Variants in DLG2 observed in about 807,000 individuals in gnomAD.
DLG2 encodes discs large MAGUK scaffold protein 2, also known as disks large homolog 2.
DLG2 carries 45 observed loss-of-function variants against 132.5 expected under a neutral mutation model. The ratio of observed to expected loss-of-function variants is 0.34; its 90% CI spans 0.27 to 0.44. DLG2 has a LOEUF of 0.44. Ranked by LOEUF, DLG2 falls within the 20% of genes least tolerant of loss-of-function variation. The pLI, the probability that DLG2 is intolerant of heterozygous loss-of-function variation, is 1.00. For missense variants in DLG2, 1,045 were observed against 1,196.9 expected (o/e 0.87, Z 1.87); for synonymous variants, 424 against 419.6 (o/e 1.01, Z -0.13).
intron 19 of DLG2, among the ~76,000 whole-genome samples, chr11:83,584,505 T>G (rs566578227): frequency 6.6e-6 from 1 of 152,204 alleles, no homozygotes; most frequent in Non-Finnish European, 1.5e-5. Flanking sequence ...AATCAGGTCA[T>G]GTACTGGAAT....
intron 11 of DLG2, among the ~76,000 whole-genome samples, chr11:84,021,084 T>G (rs910654471): frequency 6.6e-6 from 1 of 152,178 alleles, no homozygotes; most frequent in African/African-American, 2.4e-5. Flanking sequence ...TATTTAACTC[T>G]AGAACACATA....
intron 18 of DLG2, among the ~76,000 whole-genome samples, chr11:83,665,906 T>A (rs2075421030): frequency 6.6e-6 from 1 of 151,972 alleles, no homozygotes; most frequent in Non-Finnish European, 1.5e-5. Context: ...TATACAAGGG[T>A]GCATGGGAAT....
At chr11:83,479,677 C>T (rs1341567279) in intron 22 of DLG2, among the ~76,000 whole-genome samples, 1 of 152,006 alleles carries the variant, frequency 6.6e-6, no homozygotes, top group African/African-American at 2.4e-5. Context: ...AAGCAAATGG[C>T]TTGAGGTGAC....
chr11:85,600,473 A>T (rs2080076550), intron 2 of DLG2, among the ~76,000 whole-genome samples: 1 of 152,238 alleles, frequency 6.6e-6, no homozygotes, highest in South Asian at 2.1e-4. Context: ...CTACACGCAC[A>T]TGAGTTTGTT....
chr11:85,507,407 T>G (rs1408546095), intron 3 of DLG2, among the ~76,000 whole-genome samples: 1 of 152,184 alleles, frequency 6.6e-6, no homozygotes, highest in African/African-American at 2.4e-5. Context: ...GCAGACCTGG[T>G]GGTGACAAAA....
At chr11:83,556,182 A>T (rs2096513063) in intron 19 of DLG2, among the ~76,000 whole-genome samples, 1 of 152,164 alleles carries the variant, frequency 6.6e-6, no homozygotes, top group Admixed American at 6.5e-5. Flanking sequence ...GAAGAAGAGA[A>T]ATCTCGTTCG....
At chr11:83,498,673 G>GA (rs1318140163) in intron 21 of DLG2, among the ~76,000 whole-genome samples, 2 of 105,044 alleles carry the variant, frequency 1.9e-5, no homozygotes, top group East Asian at 5.3e-4. Context: ...CTAAAGCAAG[G>GA]AGAAAAAAAA....
intron 7 of DLG2, among the ~76,000 whole-genome samples, chr11:84,479,703 T>C (rs768887949): frequency 9.9e-5 from 15 of 152,004 alleles, no homozygotes; most frequent in African/African-American, 3.6e-4. Flanking sequence ...AAGACAGGCA[T>C]TAGAAAAAAA....
At chr11:84,182,260 G>A (rs1026346285) in intron 8 of DLG2, among the ~76,000 whole-genome samples, 1 of 152,022 alleles carries the variant, frequency 6.6e-6, no homozygotes, top group African/African-American at 2.4e-5. Context: ...TTAAACACAT[G>A]GGTAAAAGAA....
intron 18 of DLG2, among the ~76,000 whole-genome samples, chr11:83,655,751 C>T (rs1042955900): frequency 6.6e-6 from 1 of 152,206 alleles, no homozygotes; most frequent in Non-Finnish European, 1.5e-5. Context: ...ATACCCTGGC[C>T]TACCAACCCC....
At chr11:84,716,163 G>A (rs554031478) in intron 6 of DLG2, among the ~76,000 whole-genome samples, 1 of 152,002 alleles carries the variant, frequency 6.6e-6, no homozygotes, top group African/African-American at 2.4e-5. Flanking sequence ...GATACTTAAC[G>A]ATGTTGAGCA....
At chr11:84,810,020 T>C (rs552259064) in intron 6 of DLG2, among the ~76,000 whole-genome samples, 4 of 151,984 alleles carry the variant, frequency 2.6e-5, no homozygotes, top group South Asian at 2.1e-4. Context: ...TAAGCAAAAA[T>C]AGAAATAAAA....
intron 3 of DLG2, among the ~76,000 whole-genome samples, chr11:85,451,079 C>T (rs1291688662): frequency 6.6e-6 from 1 of 152,144 alleles, no homozygotes; most frequent in Non-Finnish European, 1.5e-5. Flanking sequence ...TCTCTAACTA[C>T]CTACATGTCT....
chr11:85,143,987 T>G (rs2076671571), intron 5 of DLG2, among the ~76,000 whole-genome samples: 2 of 151,834 alleles, frequency 1.3e-5, no homozygotes, highest in African/African-American at 2.4e-5. Context: ...TTGTTGATTT[T>G]CTGTCTGGAT....
At chr11:85,556,874 AT>A (rs1040368335) in intron 3 of DLG2, among the ~76,000 whole-genome samples, 1 of 151,872 alleles carries the variant, frequency 6.6e-6, no homozygotes, top group Non-Finnish European at 1.5e-5. Context: ...GATGAAAAAA[AT>A]ATATGTCATT....
chr11:85,467,859 T>G (rs759945636), intron 3 of DLG2, among the ~76,000 whole-genome samples: 68 of 152,224 alleles, frequency 4.5e-4, no homozygotes, highest in Non-Finnish European at 1.6e-4. Flanking sequence ...CTTTTTCTAC[T>G]CATTGGAATA....
At chr11:83,756,663 G>A (rs1332982912) in intron 18 of DLG2, among the ~76,000 whole-genome samples, 1 of 151,260 alleles carries the variant, frequency 6.6e-6, no homozygotes, top group Non-Finnish European at 1.5e-5. Context: ...ATGTAAAACA[G>A]AACAGTATCT....
chr11:84,065,166 T>C (rs906395271), intron 10 of DLG2, among the ~76,000 whole-genome samples: 2 of 152,154 alleles, frequency 1.3e-5, no homozygotes, highest in African/African-American at 4.8e-5. Context: ...CTGGCAAAGA[T>C]TTCATGATAA....
At chr11:84,716,098 G>T (rs867230956) in intron 6 of DLG2, among the ~76,000 whole-genome samples, 2 of 151,928 alleles carry the variant, frequency 1.3e-5, no homozygotes, top group African/African-American at 4.8e-5. Context: ...TTTGATAACA[G>T]CCATTTTAAT....
Sources: gnomAD v4.1 joint callset for allele counts (sites outside exome capture counted in the v4.1 genomes callset) on GRCh38, gnomAD v4.1.1 for gene constraint, MANE v1.5 for transcripts, NCBI Gene and HGNC (gene_info 2026-07-23, HGNC 2026-07-21) for gene names.